Variants in MACF1 observed in about 807,000 individuals in gnomAD.
MACF1 encodes microtubule actin crosslinking factor 1, also known as microtubule-actin cross-linking factor 1.
In MACF1, 193 loss-of-function variants were observed where a neutral mutation model predicts 854.8. That is an observed-to-expected ratio of 0.23 (90% CI 0.20 to 0.25). The LOEUF is 0.25. Ranked by LOEUF, MACF1 falls within the 10% of genes least tolerant of loss-of-function variation. The probability of loss-of-function intolerance (pLI) is 1.00; values close to 1 mark genes in which losing one functional copy is unlikely to be tolerated. For missense variants in MACF1, 7,722 were observed against 8,929.1 expected (o/e 0.86, Z 5.45); for synonymous variants, 3,185 against 3,226.7 (o/e 0.99, Z 0.44).
intron 87 of MACF1, 130 bp downstream of exon 87, chr1:39,452,942 C>A (rs1644366050): frequency 2.8e-6 from 3 of 1,059,202 alleles, no homozygotes; most frequent in African/African-American, 3.2e-5. Context: ...CAGAGTGGCC[C>A]TAGCTCATTG....
intron 94 of MACF1, 107 bp from the exon 95 acceptor site, chr1:39,464,988 C>A: frequency 1.0e-6 from 1 of 1,003,642 alleles, no homozygotes; most frequent in Non-Finnish European, 1.6e-6. Flanking sequence ...GTCACTTTGC[C>A]AGAAAAATGT....
In MACF1 at chr1:39,442,515, G is replaced by C. The variant is rs1456011440; in HGVS notation, c.19052G>C (p.Arg6351Thr). Residue 6351 changes from arginine to threonine, a missense_variant, in exon 77 of 101, where the codon AGA becomes ACA. This residue lies in a region of MACF1 where 2,807 missense variants were observed against 3,235.8 expected (regional missense o/e 0.87). Coordinates refer to ENST00000564288, the MANE Select transcript of MACF1 (RefSeq NM_001394062.1). ...THTEELLDAQ[R>T]PISGDPKVIE... ...ACCGAAGAGTTGTTAGATGCTCAGA[G>C]ACCAATAAGTGGAGACCCAAAAGTC... 3 of 1,614,092 alleles carry C rather than the reference G, an allele frequency of 1.9e-6. No homozygotes were observed. The East Asian group carries it at 6.7e-5, about 36-fold the overall frequency.
chr1:39,125,796 G>A (rs745419783), intron 2 of MACF1, among the ~76,000 whole-genome samples: 3 of 152,016 alleles, frequency 2.0e-5, no homozygotes, highest in African/African-American at 4.8e-5. Context: ...GTTGAAGACC[G>A]GCCTGGCCAA....
intron 6 of MACF1, among the ~76,000 whole-genome samples, chr1:39,271,655 AC>A (rs1398402181): frequency 6.6e-6 from 1 of 152,178 alleles, no homozygotes; most frequent in East Asian, 1.9e-4. Flanking sequence ...CAGCTGTGGA[AC>A]TGATTGTTGT....
intron 2 of MACF1, among the ~76,000 whole-genome samples, chr1:39,091,372 T>C (rs902284483): frequency 2.6e-5 from 4 of 152,210 alleles, no homozygotes; most frequent in Non-Finnish European, 4.4e-5. Flanking sequence ...AGTCACTTCA[T>C]TGAGCCTCAG....
intron 14 of MACF1, among the ~76,000 whole-genome samples, chr1:39,286,752 G>A (rs1366030282): frequency 6.6e-6 from 1 of 151,918 alleles, no homozygotes; most frequent in Non-Finnish European, 1.5e-5. Context: ...GCCAAGACTA[G>A]GACCCACATC....
At chr1:39,114,296 G>A (rs1642491708) in intron 2 of MACF1, among the ~76,000 whole-genome samples, 1 of 151,626 alleles carries the variant, frequency 6.6e-6, no homozygotes, top group Non-Finnish European at 1.5e-5. Context: ...CTAGGATTCG[G>A]CACTTTCAAA....
intron 18 of MACF1, 66 bp from the exon 19 acceptor site, chr1:39,294,980 T>C: frequency 8.4e-7 from 1 of 1,185,144 alleles, no homozygotes; most frequent in Non-Finnish European, 1.3e-6. Flanking sequence ...AACACAGCTT[T>C]TATTTATGCT....
Position 39,287,321 on chromosome 1 carries a change from G to A in MACF1, c.1544G>A (p.Arg515His), listed in dbSNP as rs778551048. ...MRLQDELVTL[R>H]LECTNLYRKG... ...CTTCAGGATGAGCTGGTCACCTTGCGTCTAGAGTGTACAAACCTGTACCGG... is the reference window on the plus strand; with the variant it reads ...CTTCAGGATGAGCTGGTCACCTTGCATCTAGAGTGTACAAACCTGTACCGG... The change falls in exon 15 of 101, where the codon CGT becomes CAT. Residue 515 changes from arginine (R) to histidine (H), a missense_variant. By Grantham distance (29) the Arg-to-His change is conservative (BLOSUM62 0). Around this residue, in one of 15 missense-constraint regions of MACF1, gnomAD observed 1,137 missense variants for 1,263.0 expected, o/e 0.90. Transcript: ENST00000564288. 40 of 1,613,946 alleles carry A rather than the reference G, an allele frequency of 2.5e-5. No individual in the cohort carries two copies. Among genetic ancestry groups the A allele is most frequent in the Admixed American group, 6.7e-5 (4 of 59,998 alleles).
chr1:39,318,582 C>T lies in MACF1; in HGVS notation c.3912C>T (p.Ser1304=), dbSNP rs760800234. ...EMMKPGQAED[S]RVLSEQLSQQ... ...TGAAGCCAGGCCAGGCAGAGGATAG[C>T]AGAGTGCTTTCGGAGCAGCTCAGCC... Residue 1304 remains serine (S), a synonymous_variant, in exon 30 of 101, where the codon AGC becomes AGT. Transcript: ENST00000564288. 4 of 1,613,412 alleles carry T rather than the reference C, an allele frequency of 2.5e-6. No homozygotes were observed. Among genetic ancestry groups the T allele is most frequent in the South Asian group, 1.1e-5 (1 of 91,046 alleles).
chr1:39,190,732 G>T (rs1644245790), intron 2 of MACF1, among the ~76,000 whole-genome samples: 1 of 151,860 alleles, frequency 6.6e-6, no homozygotes, highest in South Asian at 2.1e-4. Flanking sequence ...GTGGTGCGGT[G>T]GCCTGTAATT....
intron 49 of MACF1, among the ~76,000 whole-genome samples, chr1:39,367,236 C>A (rs145103044): frequency 6.6e-6 from 1 of 151,926 alleles, no homozygotes; most frequent in Non-Finnish European, 1.5e-5. Context: ...CGTGAGCCAC[C>A]GTGCCTGGCC....
At chr1:39,264,766 C>T (rs1040373645) in intron 6 of MACF1, among the ~76,000 whole-genome samples, 12 of 150,140 alleles carry the variant, frequency 8.0e-5, no homozygotes, top group East Asian at 5.9e-4. Flanking sequence ...CTCCGCTTCC[C>T]GGGTTCACGC....
In MACF1 at chr1:39,105,484, C is replaced by T; in HGVS notation, c.220+21046C>T. 1 of 1,009,682 alleles carries T rather than the reference C, an allele frequency of 9.9e-7. No individual in the cohort carries two copies. Among genetic ancestry groups the T allele is most frequent in the South Asian group, 3.8e-5 (1 of 26,018 alleles). The allele number at this position is 1,009,682 out of a possible 1,614,324, so 62.5% of individuals were successfully genotyped here. A position where few individuals can be genotyped will look rare whatever the true frequency, so the allele number is the denominator to read the frequency against. ...AGCGCGACTGCCGGGCCGGGCGAGG[C>T]GGGCGGACGGCGGAGAGCGAGGGCG... On this transcript the variant is annotated intron_variant, in intron 2 of 93. Transcript: ENST00000361689. This position sits in a 1 kb window ranked among gnomAD's most constrained non-coding sequence, Gnocchi z 5.9.
In MACF1 at chr1:39,196,021, A is replaced by T. The variant is rs74721886; in HGVS notation, c.221-35161A>T. The stretch of plus-strand genomic sequence containing the variant: ...GCTCCTCCAAATAATGACAATTATA[A>T]TCAGCAATTATTGAGCAGGTATTGA... On this transcript the variant is annotated intron_variant, in intron 2 of 93. Coordinates refer to the MACF1 transcript ENST00000361689. 1.8e-3 allele frequency among the ~76,000 whole-genome samples: 278 copies of T among 152,306 alleles called. 5 individuals are homozygous for T. In the East Asian group the frequency reaches 0.035, roughly 19 times the overall value.
intron 69 of MACF1, 148 bp from the exon 70 acceptor site, chr1:39,435,410 C>G (rs1643952782): frequency 1.5e-6 from 1 of 656,156 alleles, no homozygotes; most frequent in Non-Finnish European, 2.6e-6. Context: ...TTTTTCTGTT[C>G]CCACACAAAT....
At chr1:39,092,407 A>G (rs1046992344) in intron 2 of MACF1, among the ~76,000 whole-genome samples, 9 of 152,230 alleles carry the variant, frequency 5.9e-5, no homozygotes, top group African/African-American at 1.7e-4. Flanking sequence ...GGCATTTTAC[A>G]TACATCATTT....
chr1:39,085,660 T>C (rs527479259), intron 2 of MACF1, among the ~76,000 whole-genome samples: 1 of 152,258 alleles, frequency 6.6e-6, no homozygotes, highest in East Asian at 1.9e-4. Context: ...CAACACTTCA[T>C]TAAAAATACA....
rs1378355049 is a variant in MACF1, at chr1:39,463,653, T to C, written c.21720T>C (p.Phe7240=). Reference sequence around the variant, plus strand: ...CTCAGTGCAAATGTGCAAAAAGGTTTCAGGTGGAGCAGATCGGAGAGAATA... The same window carrying C: ...CTCAGTGCAAATGTGCAAAAAGGTTCCAGGTGGAGCAGATCGGAGAGAATA... The part of the protein sequence containing the change: ...QVAQCKCAKR[F]QVEQIGENKY... Residue 7240 remains phenylalanine, a synonymous_variant, in exon 94 of 101, where the codon TTT becomes TTC. Coordinates refer to ENST00000564288, the MANE Select transcript of MACF1 (RefSeq NM_001394062.1). 7 of 1,613,552 alleles carry C rather than the reference T, an allele frequency of 4.3e-6. No individual in the cohort carries two copies. Among genetic ancestry groups the C allele is most frequent in the Non-Finnish European group, 5.1e-6 (6 of 1,179,676 alleles).
Sources: allele counts gnomAD v4.1 joint callset (sites outside exome capture counted in the v4.1 genomes callset), GRCh38; gene constraint gnomAD v4.1.1; regional missense constraint gnomAD v4.1.1; non-coding constraint Gnocchi (gnomAD v3.1); transcripts MANE v1.5; gene names NCBI Gene and HGNC (gene_info 2026-07-23, HGNC 2026-07-21).